GPC5: variants seen among roughly 807,000 people sequenced by gnomAD.
GPC5 encodes glypican-5.
A neutral mutation model predicts 53.9 loss-of-function variants in GPC5; 47 were observed. The ratio of observed to expected loss-of-function variants is 0.87; its 90% confidence interval spans 0.69 to 1.11. The LOEUF is 1.11. GPC5 is among the 50% of genes most tolerant of loss of function. GPC5 has a pLI of 0.00. For missense variants in GPC5, 748 were observed against 713.1 expected (o/e 1.05, Z -0.56); for synonymous variants, 286 against 263.3 (o/e 1.09, Z -0.84).
chr13:91,470,578 T>A (rs548225872), intron 2 of GPC5, among the ~76,000 whole-genome samples: 185 of 152,300 alleles, frequency 1.2e-3, no homozygotes, highest in Non-Finnish European at 2.3e-3. Context: ...TTATTCTGAA[T>A]CATGCAAATA....
chr13:91,693,717 G>A lies in GPC5; in HGVS notation c.856G>A (p.Ala286Thr), dbSNP rs756432704. The stretch of plus-strand genomic sequence containing the variant: ...CATGCGAGGCTGCCTGGCGCACATG[G>A]CGGAGCTTAATCCACACTGGCATGC... ...NVMRGCLAHMAELNPHWHAYI... is the reference protein window; with the variant it reads ...NVMRGCLAHMTELNPHWHAYI... The change falls in exon 3 of 8, where the codon GCG (alanine) becomes ACG (threonine). Residue 286 changes from alanine to threonine, a missense_variant. By Grantham distance (58) the Ala-to-Thr change is moderately conservative (BLOSUM62 0). Transcript: ENST00000377067. The A allele has an allele frequency of 1.2e-6, 2 of 1,614,148 alleles. No individual in the cohort carries two copies. The highest frequency in any genetic ancestry group is 1.7e-6 in the Non-Finnish European group (2 of 1,180,008).
intron 7 of GPC5, among the ~76,000 whole-genome samples, chr13:92,825,046 A>G (rs1184516144): frequency 6.6e-6 from 1 of 152,118 alleles, no homozygotes; most frequent in Non-Finnish European, 1.5e-5. Context: ...TAGGCATATA[A>G]TTCTACTTGG....
In GPC5 at chr13:91,823,978, T is replaced by A. The variant is rs115067491; in HGVS notation, c.1280+67558T>A. Among the ~76,000 whole-genome samples, 82 of 152,200 alleles carry A rather than the reference T, an allele frequency of 5.4e-4. 1 individual carries two copies. The highest frequency in any genetic ancestry group is 1.9e-3 in the African/African-American group (80 of 41,558). On this transcript the variant is annotated intron_variant, in intron 5 of 7. Transcript: ENST00000377067. ...GGTTGGTGTTGTGCATTTGGCAAAG[T>A]TATCTAATCGAGACCATTCTTCAGG...
At chr13:91,577,330 A>G (rs1008310896) in intron 2 of GPC5, among the ~76,000 whole-genome samples, 1 of 152,206 alleles carries the variant, frequency 6.6e-6, no homozygotes, top group Admixed American at 6.5e-5. Flanking sequence ...CTAAGGAGTT[A>G]AAATATAATA....
intron 2 of GPC5, among the ~76,000 whole-genome samples, chr13:91,611,815 T>C (rs1476191784): frequency 7.9e-5 from 12 of 152,192 alleles, no homozygotes; most frequent in Non-Finnish European, 1.2e-4. Context: ...CTGCTTACTC[T>C]TTGCTGCAGC....
intron 2 of GPC5, among the ~76,000 whole-genome samples, chr13:91,484,821 A>C (rs182895310): frequency 2.0e-5 from 3 of 152,360 alleles, no homozygotes; most frequent in African/African-American, 7.2e-5. Flanking sequence ...AGAACCCATC[A>C]GTTAAATAAA....
intron 7 of GPC5, among the ~76,000 whole-genome samples, chr13:92,249,381 G>A (rs1211613783): frequency 6.6e-6 from 1 of 152,044 alleles, no homozygotes; most frequent in Non-Finnish European, 1.5e-5. Context: ...GCCAATAAAA[G>A]GAGTGTGAGT....
At chr13:91,702,928 T>G (rs1278300924) in intron 3 of GPC5, among the ~76,000 whole-genome samples, 1 of 152,090 alleles carries the variant, frequency 6.6e-6, no homozygotes, top group Non-Finnish European at 1.5e-5. Flanking sequence ...CTTTTTCTGA[T>G]AGCTTGCTGT....
intron 7 of GPC5, among the ~76,000 whole-genome samples, chr13:92,854,423 G>T (rs983823598): frequency 2.7e-5 from 4 of 150,196 alleles, no homozygotes; most frequent in African/African-American, 4.9e-5. Flanking sequence ...TTAATTTCAA[G>T]CCAATGCAAT....
intron 2 of GPC5, among the ~76,000 whole-genome samples, chr13:91,541,830 A>T (rs1364912571): frequency 1.3e-5 from 1 of 78,294 alleles, no homozygotes; most frequent in East Asian, 5.3e-4. Flanking sequence ...AATTAATAAT[A>T]AAAAAGCAGT....
intron 7 of GPC5, among the ~76,000 whole-genome samples, chr13:92,220,636 AT>A (rs1030429641): frequency 3.9e-4 from 60 of 152,110 alleles, no homozygotes; most frequent in Non-Finnish European, 6.6e-4. Context: ...AGAAAATAAT[AT>A]TTTTTCCTAT....
chr13:91,933,642 T>C (rs1331348997), intron 6 of GPC5, among the ~76,000 whole-genome samples: 1 of 151,924 alleles, frequency 6.6e-6, no homozygotes, highest in Non-Finnish European at 1.5e-5. Context: ...AGGGAAGCTG[T>C]GTTGTAACAA....
intron 7 of GPC5, among the ~76,000 whole-genome samples, chr13:92,761,107 T>C (rs1281702046): frequency 2.0e-5 from 3 of 152,196 alleles, no homozygotes; most frequent in African/African-American, 4.8e-5. Flanking sequence ...TAAAGAAGAA[T>C]GTGTATCTTG....
At chr13:92,422,181 C>T (rs969397593) in intron 7 of GPC5, among the ~76,000 whole-genome samples, 4 of 151,922 alleles carry the variant, frequency 2.6e-5, no homozygotes, top group Non-Finnish European at 5.9e-5. Flanking sequence ...TCCAAATACT[C>T]CTGCCTTCAG....
chr13:91,949,858 A>G (rs1460161937), intron 6 of GPC5, among the ~76,000 whole-genome samples: 3 of 152,122 alleles, frequency 2.0e-5, no homozygotes, highest in East Asian at 3.8e-4. Context: ...ATAAATGTGT[A>G]TTTGCTCTAC....
intron 7 of GPC5, among the ~76,000 whole-genome samples, chr13:92,794,344 T>C (rs1381443300): frequency 1.3e-5 from 2 of 152,094 alleles, no homozygotes; most frequent in African/African-American, 2.4e-5. Flanking sequence ...CCCTTCATGA[T>C]AAAAACTCTC....
intron 7 of GPC5, among the ~76,000 whole-genome samples, chr13:92,382,006 A>C (rs568796552): frequency 2.5e-4 from 36 of 143,044 alleles, no homozygotes; most frequent in Middle Eastern, 3.7e-3. Flanking sequence ...ATCTATCTAT[A>C]TATCTATCTG....
rs775617391 is a variant in GPC5 at position 91,693,469 on chromosome 13, C to T, written c.608C>T (p.Pro203Leu). 6.2e-7 allele frequency: 1 copy of T among 1,614,138 alleles called. No individual in the cohort carries two copies. ...CGGATGGCTCGCCGGGATGTGAGTC[C>T]ATTTGGTAATATTCCCCAAAGAGTA... The part of the protein sequence containing the change: ...CIRMARRDVS[P>L]FGNIPQRVMG... Residue 203 changes from proline to leucine, a missense_variant, in exon 3 of 8, where the codon CCA becomes CTA. Physicochemically the swap from Pro to Leu is moderately conservative, Grantham distance 98 (BLOSUM62 -3). Transcript: ENST00000377067.
At chr13:91,419,303 G>A (rs1197536432) in intron 1 of GPC5, among the ~76,000 whole-genome samples, 1 of 152,212 alleles carries the variant, frequency 6.6e-6, no homozygotes, top group Non-Finnish European at 1.5e-5. Flanking sequence ...CAATGAATAT[G>A]AGCACAAGCA....
Sources: gnomAD v4.1 joint callset for allele counts (sites outside exome capture counted in the v4.1 genomes callset) on GRCh38, gnomAD v4.1.1 for gene constraint, MANE v1.5 for transcripts, NCBI Gene and HGNC (gene_info 2026-07-23, HGNC 2026-07-21) for gene names.